Variants in AGPAT5 observed in about 807,000 individuals in gnomAD.
AGPAT5 encodes 1-acyl-sn-glycerol-3-phosphate acyltransferase epsilon.
AGPAT5 carries 46 observed loss-of-function variants against 45.6 expected under a neutral mutation model. That is an observed-to-expected ratio of 1.01 (90% CI 0.80 to 1.29). The LOEUF (loss-of-function observed/expected upper bound fraction) is 1.29. Ranked by LOEUF, AGPAT5 falls within the 50% of genes most tolerant of loss-of-function variation. The pLI, the probability that AGPAT5 is intolerant of heterozygous loss-of-function variation, is 0.00. For missense variants in AGPAT5, 673 were observed against 450.7 expected (o/e 1.49, Z -4.47); for synonymous variants, 272 against 167.0 (o/e 1.63, Z -4.85).
intron 4 of AGPAT5, among the ~76,000 whole-genome samples, chr8:6,737,903 TC>T (rs1466604919): frequency 6.6e-6 from 1 of 152,238 alleles, no homozygotes; most frequent in Non-Finnish European, 1.5e-5. Context: ...CTAAGTTTTT[TC>T]CTGCCACTTC....
intron 4 of AGPAT5, among the ~76,000 whole-genome samples, chr8:6,735,997 G>T (rs1801041558): frequency 6.6e-6 from 1 of 151,950 alleles, no homozygotes; most frequent in African/African-American, 2.4e-5. Context: ...GGGATTACAG[G>T]CGTGCACCGC....
intron 1 of AGPAT5, among the ~76,000 whole-genome samples, chr8:6,723,763 G>A (rs543763996): frequency 2.0e-5 from 3 of 152,202 alleles, no homozygotes; most frequent in Non-Finnish European, 4.4e-5. Context: ...GGAAACCTTT[G>A]TCACATCCCT....
intron 1 of AGPAT5, among the ~76,000 whole-genome samples, chr8:6,724,649 T>C (rs902629439): frequency 5.1e-5 from 5 of 98,518 alleles, no homozygotes; most frequent in African/African-American, 1.8e-4. Context: ...GGATATTGAT[T>C]ATTCTATTTT....
chr8:6,733,704 G>A (rs1476411963), intron 4 of AGPAT5, among the ~76,000 whole-genome samples: 1 of 152,088 alleles, frequency 6.6e-6, no homozygotes, highest in African/African-American at 2.4e-5. Flanking sequence ...ATGGTTTATC[G>A]ACTTTTTACA....
chr8:6,755,870 C>G (rs1801816491), intron 7 of AGPAT5, among the ~76,000 whole-genome samples: 1 of 152,064 alleles, frequency 6.6e-6, no homozygotes, highest in African/African-American at 2.4e-5. Context: ...TTTTCATTGA[C>G]TCTTAACTGT....
chr8:6,709,044 T>C, intron 1 of AGPAT5, 157 bp downstream of exon 1: 1 of 767,596 alleles, frequency 1.3e-6, no homozygotes, highest in Middle Eastern at 2.2e-4. Context: ...TCCGCATGCT[T>C]CCTGCCGTTC....
In AGPAT5 at chr8:6,741,222, A is replaced by G. The variant is rs186577397; in HGVS notation, c.496-439A>G. On this transcript the variant is annotated intron_variant, in intron 4 of 7. Transcript: ENST00000285518. ...ACGTTTCACATGGTGGGAATTTACT[A>G]TATGATTTTCATCAAATGAGGTACT... Among the ~76,000 whole-genome samples the G allele has an allele frequency of 2.3e-3, 347 of 152,232 alleles. 1 individual carries two copies. Among genetic ancestry groups the G allele is most frequent in the Non-Finnish European group, 4.1e-3 (279 of 67,966 alleles).
In AGPAT5 at chr8:6,757,441, G is replaced by A; in HGVS notation, c.*53G>A. On this transcript the variant is annotated 3_prime_UTR_variant, in exon 8 of 8. Transcript: ENST00000285518. ...TGTGCTACATTGTCTATTTTTGGCG[G>A]CTGCACATGACATCAAATTGTTTCC... The A allele has an allele frequency of 1.4e-6, 2 of 1,406,674 alleles. No homozygotes were observed. Among genetic ancestry groups the A allele is most frequent in the Non-Finnish European group, 2.0e-6 (2 of 998,568 alleles). 87.1% of individuals were successfully genotyped at this position (1,406,674 alleles called of 1,614,324 possible).
intron 1 of AGPAT5, among the ~76,000 whole-genome samples, chr8:6,720,201 C>G (rs1800455854): frequency 2.0e-5 from 3 of 152,080 alleles, no homozygotes; most frequent in Admixed American, 1.3e-4. Context: ...AGTCAGTGAT[C>G]CAGCTAACCG....
At chr8:6,709,252 C>T (rs920206388) in intron 1 of AGPAT5, 1 of 308,682 alleles carries the variant, frequency 3.2e-6, no homozygotes, top group South Asian at 2.9e-5. Context: ...TGGAACAGAT[C>T]GGAGACGTCT....
chr8:6,723,452 C>G (rs1232870658), intron 1 of AGPAT5, among the ~76,000 whole-genome samples: 1 of 152,140 alleles, frequency 6.6e-6, no homozygotes, highest in Admixed American at 6.5e-5. Flanking sequence ...CCTACCGACC[C>G]CGCCCGCCCA....
intron 1 of AGPAT5, among the ~76,000 whole-genome samples, chr8:6,710,139 T>C (rs2116839923): frequency 6.6e-6 from 1 of 152,300 alleles, no homozygotes; most frequent in Non-Finnish European, 1.5e-5. Flanking sequence ...AAAAAAATAA[T>C]TCTATCTGTG....
intron 6 of AGPAT5, among the ~76,000 whole-genome samples, chr8:6,748,974 C>T (rs145101965): frequency 6.6e-6 from 1 of 152,270 alleles, no homozygotes; most frequent in African/African-American, 2.4e-5. Flanking sequence ...TACAACAAAA[C>T]ATTTATAAAA....
At chr8:6,724,626 A>G (rs1042763912) in intron 1 of AGPAT5, among the ~76,000 whole-genome samples, 20 of 150,454 alleles carry the variant, frequency 1.3e-4, no homozygotes, top group African/African-American at 4.4e-4. Context: ...TGCTTGCTAT[A>G]TTTTTCTCAT....
At chr8:6,729,426 T>G (rs951650233) in intron 2 of AGPAT5, among the ~76,000 whole-genome samples, 1 of 151,956 alleles carries the variant, frequency 6.6e-6, no homozygotes. Context: ...TGGGTGATGA[T>G]AGAATTATTC....
intron 7 of AGPAT5, among the ~76,000 whole-genome samples, chr8:6,756,721 G>A (rs989648540): frequency 6.6e-6 from 1 of 151,932 alleles, no homozygotes; most frequent in African/African-American, 2.4e-5. Flanking sequence ...GGTCTCTGCC[G>A]GGTATCCTGG....
chr8:6,728,451 A>C (rs900351095), intron 2 of AGPAT5, among the ~76,000 whole-genome samples: 2 of 152,234 alleles, frequency 1.3e-5, no homozygotes, highest in Non-Finnish European at 2.9e-5. Flanking sequence ...CTAGTTCTTA[A>C]ATGTTTCCAC....
intron 4 of AGPAT5, among the ~76,000 whole-genome samples, chr8:6,741,031 A>G (rs1801228963): frequency 6.6e-6 from 1 of 152,138 alleles, no homozygotes; most frequent in Non-Finnish European, 1.5e-5. Context: ...AAAAACTTAG[A>G]CTAATTGATT....
chr8:6,727,512 G>C (rs1378856540), intron 2 of AGPAT5, among the ~76,000 whole-genome samples: 2 of 152,030 alleles, frequency 1.3e-5, no homozygotes, highest in African/African-American at 4.8e-5. Context: ...CTCCCGAGTA[G>C]CTGGGATTAC....
Sources: gnomAD v4.1 joint callset for allele counts (sites outside exome capture counted in the v4.1 genomes callset) on GRCh38, gnomAD v4.1.1 for gene constraint, MANE v1.5 for transcripts, NCBI Gene and HGNC (gene_info 2026-07-23, HGNC 2026-07-21) for gene names.